The following HOXA5 variants were observed in gnomAD, a reference collection of about 807,000 sequenced individuals.
HOXA5 encodes homeobox A5, also known as homeobox protein Hox-A5.
Under a neutral mutation model 20.0 loss-of-function variants are expected in HOXA5, and 12 were observed. That is an observed-to-expected ratio of 0.60 (90% confidence interval 0.38 to 0.97). The LOEUF (loss-of-function observed/expected upper bound fraction) is 0.97. Ranked by LOEUF, HOXA5 falls within the 50% of genes least tolerant of loss-of-function variation. The pLI, the probability that HOXA5 is intolerant of heterozygous loss-of-function variation, is 0.00. For synonymous variants in HOXA5, 159 were observed against 157.7 expected (o/e 1.01, Z -0.06); for missense variants, 352 against 380.3 (o/e 0.93, Z 0.62).
Position 27,141,768 on chromosome 7 carries a change from A to G in HOXA5, c.*67T>C, listed in dbSNP as rs1782575676. 1.3e-6 allele frequency: 2 copies of G among 1,549,388 alleles called. No homozygotes were observed. The highest frequency in any genetic ancestry group is 1.2e-5 in the South Asian group (1 of 80,368). Reference sequence around the variant, plus strand: ...GAAGGAACACAAGGGAGTTTCAGAAAGTCACCTTAGTACTGACACTACGCG... The same window carrying G: ...GAAGGAACACAAGGGAGTTTCAGAAGGTCACCTTAGTACTGACACTACGCG... On this transcript the variant is annotated 3_prime_UTR_variant, in exon 2 of 2. Coordinates refer to ENST00000222726, the MANE Select transcript of HOXA5 (RefSeq NM_019102.4).
At chr7:27,142,523 G>A (rs3757639) in intron 1 of HOXA5, among the ~76,000 whole-genome samples, 16,883 of 152,176 alleles carry the variant, frequency 0.11, 1,251 homozygotes, top group East Asian at 0.23. Flanking sequence ...CAGGGTTGGG[G>A]AGCCTGTTTT....
Position 27,142,052 on chromosome 7 carries a change from C to A in HOXA5, c.596G>T (p.Arg199Leu). ...GGTCTGGTAGCGCGTGTAGGCCGTC[C>A]GGGCCCTTTTGCCTTCCGGGCCGCC... ...NIGGPEGKRARTAYTRYQTLE... is the reference protein window; with the variant it reads ...NIGGPEGKRALTAYTRYQTLE... The change falls in exon 2 of 2, where the codon CGG becomes CTG. Residue 199 changes from arginine to leucine, a missense_variant. Physicochemically the swap from Arg to Leu is moderately radical, Grantham distance 102. Around this residue, in one of 3 missense-constraint regions of HOXA5, gnomAD observed 319 missense variants for 336.5 expected, o/e 0.95. Coordinates refer to ENST00000222726, the MANE Select transcript of HOXA5 (RefSeq NM_019102.4). The A allele has an allele frequency of 6.2e-7, 1 of 1,614,044 alleles. No homozygotes were observed. The highest frequency in any genetic ancestry group is 8.5e-7 in the Non-Finnish European group (1 of 1,180,004).
intron 1 of HOXA5, 110 bp downstream of exon 1, chr7:27,142,936 G>C (rs533347390): frequency 9.6e-7 from 1 of 1,044,896 alleles, no homozygotes; most frequent in African/African-American, 1.7e-5. Context: ...GCTCCGCAGG[G>C]CTGGGAGAAA....
intron 1 of HOXA5, 22 bp downstream of exon 1, chr7:27,143,023 AT>A: frequency 1.3e-6 from 2 of 1,497,230 alleles, no homozygotes; most frequent in Non-Finnish European, 1.8e-6. Context: ...GGTCGCGTGG[AT>A]TTAGAAAAAG....
At position 27,141,720 on chromosome 7, in the gene HOXA5, A is replaced by C; in HGVS notation, c.*115T>G. On this transcript the variant is annotated 3_prime_UTR_variant, in exon 2 of 2. Coordinates refer to ENST00000222726, the MANE Select transcript of HOXA5 (RefSeq NM_019102.4). ...TCATGATTAAAAGATGAATTAGGGC[A>C]ACGAGAACAGGGCTTCTTCACAGAA... 2.3e-6 allele frequency: 3 copies of C among 1,329,796 alleles called. No individual in the cohort carries two copies. The allele number at this position is 1,329,796 out of a possible 1,614,324, so 82.4% of individuals were successfully genotyped here.
rs1583405651 is a variant in HOXA5, at chr7:27,141,526, G to T, written c.*309C>A. On this transcript the variant is annotated 3_prime_UTR_variant, in exon 2 of 2. Transcript: ENST00000222726. Reference sequence around the variant, plus strand: ...GAGATTGAAGGGGGACTTTTTGTGTGTTTTTTTTTCTCTTTTCTTTTTTTG... The same window carrying T: ...GAGATTGAAGGGGGACTTTTTGTGTTTTTTTTTTTCTCTTTTCTTTTTTTG... 1.8e-5 allele frequency: 4 copies of T among 216,412 alleles called. No individual in the cohort carries two copies. The highest frequency in any genetic ancestry group is 6.9e-5 in the African/African-American group (3 of 43,376). The allele number at this position is 216,412 out of a possible 1,614,324, so 13.4% of individuals were successfully genotyped here.
chr7:27,143,284 G>A lies in HOXA5; in HGVS notation c.324C>T (p.Pro108=), dbSNP rs756462084. Residue 108 remains proline (P), a synonymous_variant, in exon 1 of 2, where the codon CCC becomes CCT. Transcript: ENST00000222726. ...PDPLPCSAVA[P]SPGSDSHHGG... ...CGTGGTGGCTGTCGCTGCCGGGCGA[G>A]GGGGCCACGGCGGAGCAGGGCAGCG... The A allele has an allele frequency of 6.2e-7, 1 of 1,604,072 alleles. No homozygotes were observed. Among genetic ancestry groups the A allele is most frequent in the Non-Finnish European group, 8.5e-7 (1 of 1,177,596 alleles).
chr7:27,143,365 G>A lies in HOXA5; in HGVS notation c.243C>T (p.Pro81=), dbSNP rs952745648. ...CCGGCTGGCTGTACCTGGGCTCGGC[G>A]GGCGCCGCGCTGGCGCTGGCAGCGT... ...RSYAASASAA[P]AEPRYSQPAT... Residue 81 remains proline (P), a synonymous_variant, in exon 1 of 2, where the codon CCC becomes CCT. Coordinates refer to ENST00000222726, the MANE Select transcript of HOXA5 (RefSeq NM_019102.4). 7.6e-6 allele frequency: 12 copies of A among 1,586,690 alleles called. No individual in the cohort carries two copies. Among genetic ancestry groups the A allele is most frequent in the Non-Finnish European group, 9.4e-6 (11 of 1,170,428 alleles).
In HOXA5 at chr7:27,141,324, C is replaced by G. The variant is rs370019658; in HGVS notation, c.*511G>C. The G allele has an allele frequency of 6.5e-6, 1 of 154,868 alleles. No homozygotes were observed. Among genetic ancestry groups the G allele is most frequent in the Non-Finnish European group, 1.4e-5 (1 of 69,626 alleles). The allele number at this position is 154,868 out of a possible 1,614,324, so 9.6% of individuals were successfully genotyped here. On this transcript the variant is annotated 3_prime_UTR_variant, in exon 2 of 2. Coordinates refer to ENST00000222726, the MANE Select transcript of HOXA5 (RefSeq NM_019102.4). The stretch of plus-strand genomic sequence containing the variant: ...TTCATCACAGAGTCACTAGTCACTA[C>G]ACGTCGAACAAGTTGTGTCTCATCA...
chr7:27,142,815 A>C (rs1040696093), intron 1 of HOXA5: 5 of 457,326 alleles, frequency 1.1e-5, no homozygotes, highest in African/African-American at 6.2e-5. Flanking sequence ...CCCCCTTCCA[A>C]CGTCTAAACT....
In HOXA5 at chr7:27,143,365, G is replaced by C; in HGVS notation, c.243C>G (p.Pro81=). The C allele has an allele frequency of 3.2e-6, 5 of 1,586,690 alleles. No homozygotes were observed. Among genetic ancestry groups the C allele is most frequent in the Non-Finnish European group, 4.3e-6 (5 of 1,170,428 alleles). The change falls in exon 1 of 2, where the codon CCC becomes CCG. Residue 81 remains proline (P), a synonymous_variant. Coordinates refer to ENST00000222726, the MANE Select transcript of HOXA5 (RefSeq NM_019102.4). ...RSYAASASAA[P]AEPRYSQPAT... ...CCGGCTGGCTGTACCTGGGCTCGGC[G>C]GGCGCCGCGCTGGCGCTGGCAGCGT...
chr7:27,141,113 C>CAAAAAAAAAAAAAAA lies in HOXA5; in HGVS notation c.*707_*721dup, dbSNP rs147485948. On this transcript the variant is annotated 3_prime_UTR_variant, in exon 2 of 2. Transcript: ENST00000222726. Reference sequence around the variant, plus strand: ...AGTATTTTTTCCTTAAAAACAAATACAAAAAAAAAAAAAAAAAAAAAAAAG... The same window carrying CAAAAAAAAAAAAAAA: ...AGTATTTTTTCCTTAAAAACAAATACAAAAAAAAAAAAAAAAAAAAAAAAAAAAAAAAAAAAAAAG... 1.8e-4 allele frequency: 15 copies of CAAAAAAAAAAAAAAA among 82,908 alleles called. No homozygotes were observed. The highest frequency in any genetic ancestry group is 3.9e-4 in the African/African-American group (8 of 20,378). The allele number at this position is 82,908 out of a possible 1,614,324, so 5.1% of individuals were successfully genotyped here. A position where few individuals can be genotyped will look rare whatever the true frequency, so the allele number is the denominator to read the frequency against.
chr7:27,142,911 A>G, intron 1 of HOXA5, 135 bp downstream of exon 1: 1 of 789,214 alleles, frequency 1.3e-6, no homozygotes. Flanking sequence ...CAGGGGAGGG[A>G]GAACGGCAAG....
rs767570828 is a variant in HOXA5, at chr7:27,142,092, T to C, written c.563-7A>G. 9.3e-6 allele frequency: 15 copies of C among 1,611,054 alleles called. No homozygotes were observed. In the East Asian group the frequency reaches 2.7e-4, roughly 29 times the overall value. ...TCCGGGCCGCCTATGTTGTCTGCAA[T>C]AGAAAAGTCAGCGGTTTAGCCACCA... On this transcript the variant is annotated splice_polypyrimidine_tract_variant and splice_region_variant and intron_variant, in intron 1 of 1. Transcript: ENST00000222726.
rs1782629754 is a variant in HOXA5 at position 27,143,051 on chromosome 7, C to T, written c.557G>A (p.Ser186Asn). 1 of 1,524,412 alleles carries T rather than the reference C, an allele frequency of 6.6e-7. No homozygotes were observed. The highest frequency in any genetic ancestry group is 8.8e-7 in the Non-Finnish European group (1 of 1,142,098). 94.4% of individuals were successfully genotyped at this position (1,524,412 alleles called of 1,614,324 possible). A position where few individuals can be genotyped will look rare whatever the true frequency, so the allele number is the denominator to read the frequency against. The change falls in exon 1 of 2, where the codon AGT becomes AAT. Residue 186 changes from serine to asparagine, a missense_variant. Physicochemically the swap from Ser to Asn is conservative, Grantham distance 46. This residue lies in a region of HOXA5 where 319 missense variants were observed against 336.5 expected (regional missense o/e 0.95). Transcript: ENST00000222726. Reference protein sequence around the residue: ...IYPWMRKLHISHDNIGGPEGK... With the variant: ...IYPWMRKLHINHDNIGGPEGK... ...TAGAAAAAGGCTGGCTTTACCATGACTTATGTGCAGCTTGCGCATCCAGGG... is the reference window on the plus strand; with the variant it reads ...TAGAAAAAGGCTGGCTTTACCATGATTTATGTGCAGCTTGCGCATCCAGGG...
At position 27,142,954 on chromosome 7, in the gene HOXA5, A is replaced by C. The variant is rs1230701148; in HGVS notation, c.562+92T>G. Reference sequence around the variant, plus strand: ...CCGCAGGGCTGGGAGAAATGAGACCAAGAGAGACTGGGAGAGGGCGGCAGA... The same window carrying C: ...CCGCAGGGCTGGGAGAAATGAGACCCAGAGAGACTGGGAGAGGGCGGCAGA... On this transcript the variant is annotated intron_variant, in intron 1 of 1. Transcript: ENST00000222726. The C allele has an allele frequency of 2.5e-6, 3 of 1,214,460 alleles. No homozygotes were observed. In the East Asian group the frequency reaches 7.6e-5, roughly 31 times the overall value. The allele number at this position is 1,214,460 out of a possible 1,614,324, so 75.2% of individuals were successfully genotyped here. A position where few individuals can be genotyped will look rare whatever the true frequency, so the allele number is the denominator to read the frequency against.
In HOXA5 at chr7:27,143,647, C is replaced by T. The variant is rs1288612936; in HGVS notation, c.-40G>A. 1 of 1,552,462 alleles carries T rather than the reference C, an allele frequency of 6.4e-7. No homozygotes were observed. Among genetic ancestry groups the T allele is most frequent in the East Asian group, 2.3e-5 (1 of 43,634 alleles). On this transcript the variant is annotated 5_prime_UTR_variant, in exon 1 of 2. Transcript: ENST00000222726. ...GTGTGCTTGATTTGTGGCTCGCGGT[C>T]GTTTGTGCGTCTATAGCACCCTTGC...
At chr7:27,143,023 A>C in intron 1 of HOXA5, 23 bp downstream of exon 1, 1 of 1,497,232 alleles carries the variant, frequency 6.7e-7, no homozygotes, top group South Asian at 1.4e-5. Context: ...GGTCGCGTGG[A>C]TTTAGAAAAA....
intron 1 of HOXA5, 59 bp downstream of exon 1, chr7:27,142,987 G>T (rs1265739399): frequency 7.0e-7 from 1 of 1,421,320 alleles, no homozygotes; most frequent in East Asian, 2.4e-5. Context: ...AGAGAAGAGA[G>T]GGGGGACCGA....
Sources: gnomAD v4.1 joint callset for allele counts (sites outside exome capture counted in the v4.1 genomes callset) on GRCh38, gnomAD v4.1.1 for gene constraint, gnomAD v4.1.1 regional missense constraint, MANE v1.5 for transcripts, NCBI Gene and HGNC (gene_info 2026-07-23, HGNC 2026-07-21) for gene names.